Variants in EYA4 observed in about 807,000 individuals in gnomAD.
EYA4 encodes the protein protein phosphatase EYA4.
A neutral mutation model predicts 87.9 loss-of-function variants in EYA4; 31 were observed. That is an observed-to-expected ratio of 0.35 (90% confidence interval 0.27 to 0.48). EYA4 has a LOEUF of 0.48. EYA4 is among the 20% of genes least tolerant of loss of function. EYA4 has a pLI of 0.99. For missense variants in EYA4, 678 were observed against 761.4 expected (o/e 0.89, Z 1.29); for synonymous variants, 263 against 270.6 (o/e 0.97, Z 0.28).
intron 19 of EYA4, among the ~76,000 whole-genome samples, chr6:133,528,383 T>A (rs1800802526): frequency 6.6e-6 from 1 of 152,178 alleles, no homozygotes; most frequent in Admixed American, 6.5e-5. Context: ...TTGCTTTCCA[T>A]TAGCCAGGTA....
chr6:133,458,974 A>C (rs1794146165), intron 6 of EYA4, among the ~76,000 whole-genome samples: 1 of 152,152 alleles, frequency 6.6e-6, no homozygotes, highest in Non-Finnish European at 1.5e-5. Context: ...GTGGGGAATA[A>C]AACGAAATTC....
intron 3 of EYA4, among the ~76,000 whole-genome samples, chr6:133,404,876 A>G (rs1562381458): frequency 6.6e-6 from 1 of 152,184 alleles, no homozygotes; most frequent in Non-Finnish European, 1.5e-5. Context: ...GAGAAATGGG[A>G]AACCCTAATT....
intron 3 of EYA4, chr6:133,439,598 C>T (rs908595062): frequency 6.6e-6 from 1 of 152,298 alleles, no homozygotes; most frequent in East Asian, 1.9e-4. Flanking sequence ...ACAAATAGCA[C>T]TTATTTGTCC....
chr6:133,438,499 C>T (rs941751339), intron 3 of EYA4, among the ~76,000 whole-genome samples: 4 of 150,690 alleles, frequency 2.7e-5, no homozygotes, highest in Admixed American at 6.6e-5. Flanking sequence ...ATCCCTTATT[C>T]GAATTCATCA....
chr6:133,254,747 T>A (rs1775202466), intron 1 of EYA4, among the ~76,000 whole-genome samples: 1 of 152,182 alleles, frequency 6.6e-6, no homozygotes. Flanking sequence ...CGTCAGATGA[T>A]CAGATCAGAA....
At chr6:133,263,339 G>T (rs1290810937) in intron 1 of EYA4, among the ~76,000 whole-genome samples, 1 of 152,204 alleles carries the variant, frequency 6.6e-6, no homozygotes, top group African/African-American at 2.4e-5. Context: ...GAGACTTTGG[G>T]AGTCACAAGA....
intron 14 of EYA4, among the ~76,000 whole-genome samples, chr6:133,512,278 G>GC (rs1288519549): frequency 6.6e-6 from 1 of 152,138 alleles, no homozygotes; most frequent in Admixed American, 6.5e-5. Flanking sequence ...CTGAAGGCAA[G>GC]CCCCTCTGTT....
At chr6:133,269,839 A>C (rs1027531202) in intron 1 of EYA4, among the ~76,000 whole-genome samples, 3 of 152,164 alleles carry the variant, frequency 2.0e-5, no homozygotes, top group Non-Finnish European at 4.4e-5. Context: ...TACACTTATT[A>C]TTAACTTAAC....
chr6:133,507,206 T>A (rs1162131047), intron 14 of EYA4: 5 of 152,190 alleles, frequency 3.3e-5, no homozygotes, highest in Non-Finnish European at 7.3e-5. Flanking sequence ...AGGGAGAAAC[T>A]GTATGGTCCA....
At chr6:133,336,297 C>T (rs556458567) in intron 2 of EYA4, among the ~76,000 whole-genome samples, 111 of 152,186 alleles carry the variant, frequency 7.3e-4, no homozygotes, top group African/African-American at 2.6e-3. Context: ...TCAGAGTCAC[C>T]ACTTTAATCA....
chr6:133,255,807 T>A (rs537909816), intron 1 of EYA4, among the ~76,000 whole-genome samples: 35 of 152,206 alleles, frequency 2.3e-4, no homozygotes, highest in Middle Eastern at 3.4e-3. Flanking sequence ...ATTTCACTGT[T>A]CCCCTCTTGG....
intron 2 of EYA4, among the ~76,000 whole-genome samples, chr6:133,358,173 A>G (rs549973844): frequency 2.7e-4 from 41 of 152,322 alleles, no homozygotes; most frequent in Non-Finnish European, 5.0e-4. Flanking sequence ...CTAGTTTAAT[A>G]GAAACCCAAG....
chr6:133,410,589 C>CAAAAA (rs779978372), intron 3 of EYA4, among the ~76,000 whole-genome samples: 1 of 129,314 alleles, frequency 7.7e-6, no homozygotes, highest in Non-Finnish European at 1.7e-5. Context: ...TCCTCCTAAC[C>CAAAAA]AAAAAAAAAA....
At chr6:133,441,246 T>C (rs180910991) in intron 3 of EYA4, among the ~76,000 whole-genome samples, 4 of 152,330 alleles carry the variant, frequency 2.6e-5, no homozygotes, top group African/African-American at 9.6e-5. Context: ...TCTTTTGCAA[T>C]GTCCAATATG....
At chr6:133,373,558 A>G (rs1031120267) in intron 2 of EYA4, among the ~76,000 whole-genome samples, 1 of 152,016 alleles carries the variant, frequency 6.6e-6, no homozygotes, top group Non-Finnish European at 1.5e-5. Flanking sequence ...AGCAATTTTA[A>G]TTTCGCTGCA....
At chr6:133,367,563 C>T (rs1238160207) in intron 2 of EYA4, among the ~76,000 whole-genome samples, 1 of 152,164 alleles carries the variant, frequency 6.6e-6, no homozygotes, top group Non-Finnish European at 1.5e-5. Context: ...AATATATCAG[C>T]TGTCAATAGT....
chr6:133,274,056 T>G (rs1776962491), intron 1 of EYA4, among the ~76,000 whole-genome samples: 1 of 152,170 alleles, frequency 6.6e-6, no homozygotes, highest in African/African-American at 2.4e-5. Flanking sequence ...TTCTTAGAGT[T>G]TTTCAACTTT....
intron 1 of EYA4, among the ~76,000 whole-genome samples, chr6:133,273,097 G>GTATATATATATATATATATATA (rs3065331): frequency 2.8e-5 from 3 of 106,650 alleles, no homozygotes; most frequent in East Asian, 4.2e-4. Context: ...ATATATATAT[G>GTATATATATATATATATATATA]TATATATATA....
rs111345615 is a variant in EYA4, at chr6:133,325,971, GGTTCCTGTTT to G, written c.33+51170_33+51179del. ...CGTTCTGCTGTATGCTGTATCTACA[GGTTCCTGTTT>G]GTTCCTGTTTGGTGGTCTGCCTCTT... On this transcript the variant is annotated intron_variant, in intron 2 of 19. Coordinates refer to ENST00000355286, the MANE Select transcript of EYA4 (RefSeq NM_004100.5). Among the ~76,000 whole-genome samples, 87 of 152,310 alleles carry G rather than the reference GGTTCCTGTTT, an allele frequency of 5.7e-4. No individual in the cohort carries two copies. The Middle Eastern group carries it at 0.014, about 24-fold the overall frequency.
Sources: allele counts gnomAD v4.1 joint callset (sites outside exome capture counted in the v4.1 genomes callset), GRCh38; gene constraint gnomAD v4.1.1; transcripts MANE v1.5; gene names NCBI Gene and HGNC (gene_info 2026-07-23, HGNC 2026-07-21).